The following AFF3 variants were observed in gnomAD, a reference collection of about 807,000 sequenced individuals.
AFF3 encodes AF4/FMR2 family member 3.
A neutral mutation model predicts 129.7 loss-of-function variants in AFF3; 32 were observed. The ratio of observed to expected loss-of-function variants is 0.25; its 90% confidence interval spans 0.19 to 0.33. The LOEUF is 0.33. AFF3 is among the 10% of genes least tolerant of loss of function. The pLI is 1.00. For synonymous variants in AFF3, 644 were observed against 635.4 expected, an observed-to-expected ratio of 1.01 and a Z score of -0.20; for missense variants, 1,373 against 1,592.0, an observed-to-expected ratio of 0.86 and a Z score of 2.34.
intron 4 of AFF3, among the ~76,000 whole-genome samples, chr2:100,049,709 G>A (rs1322811551): frequency 1.3e-5 from 2 of 152,118 alleles, no homozygotes; most frequent in Non-Finnish European, 2.9e-5. Flanking sequence ...ATGAGTATTC[G>A]CCCATCTCCA....
chr2:99,778,892 G>GTT (rs1338555415), intron 8 of AFF3, among the ~76,000 whole-genome samples: 1 of 34,768 alleles, frequency 2.9e-5, no homozygotes, highest in Non-Finnish European at 5.5e-5. Flanking sequence ...GTGTGTGTGT[G>GTT]TGCGCGTGTG....
At chr2:99,838,275 G>A (rs889205828) in intron 7 of AFF3, among the ~76,000 whole-genome samples, 2 of 152,096 alleles carry the variant, frequency 1.3e-5, no homozygotes, top group African/African-American at 4.8e-5. Flanking sequence ...TGGTGAAAGT[G>A]CCTACCTGTG....
At chr2:99,992,090 G>A (rs1680410174) in intron 7 of AFF3, among the ~76,000 whole-genome samples, 1 of 151,538 alleles carries the variant, frequency 6.6e-6, no homozygotes, top group African/African-American at 2.4e-5. Context: ...CCCTATCTCT[G>A]TCCTTTAAAT....
chr2:99,721,285 CT>C (rs1678863728), intron 11 of AFF3, among the ~76,000 whole-genome samples: 1 of 152,118 alleles, frequency 6.6e-6, no homozygotes, highest in African/African-American at 2.4e-5. Context: ...AACCCCAGCA[CT>C]TTCGGAGGCC....
At chr2:99,744,512 C>T (rs892147356) in intron 9 of AFF3, among the ~76,000 whole-genome samples, 1 of 152,164 alleles carries the variant, frequency 6.6e-6, no homozygotes, top group African/African-American at 2.4e-5. Context: ...AGTCAAATCC[C>T]TTACCCATTA....
intron 15 of AFF3, among the ~76,000 whole-genome samples, chr2:99,587,882 C>T (rs1013230869): frequency 2.6e-5 from 4 of 151,674 alleles, no homozygotes; most frequent in South Asian, 2.1e-4. Flanking sequence ...TGGTGGTGCA[C>T]GCCTGTAGTC....
chr2:99,798,914 C>G (rs1227125520), intron 8 of AFF3, among the ~76,000 whole-genome samples: 1 of 151,900 alleles, frequency 6.6e-6, no homozygotes, highest in Non-Finnish European at 1.5e-5. Flanking sequence ...TCAGACTTTT[C>G]TGACTAATGT....
chr2:100,056,063 T>TCACACACACACACACACACACACACA (rs369771394), intron 4 of AFF3, among the ~76,000 whole-genome samples: 1 of 120,516 alleles, frequency 8.3e-6, no homozygotes, highest in Non-Finnish European at 1.7e-5. Context: ...TGTCTCTCTC[T>TCACACACACACACACACACACACACA]CACACACACA....
intron 7 of AFF3, among the ~76,000 whole-genome samples, chr2:99,908,842 T>G (rs985943831): frequency 6.6e-6 from 1 of 152,102 alleles, no homozygotes; most frequent in Non-Finnish European, 1.5e-5. Flanking sequence ...CTGGAGAGGA[T>G]GTGGAGAAAT....
chr2:99,709,346 G>A (rs1677690090), intron 11 of AFF3, among the ~76,000 whole-genome samples: 1 of 152,112 alleles, frequency 6.6e-6, no homozygotes, highest in South Asian at 2.1e-4. Flanking sequence ...TGAAAATGGG[G>A]ATAACCACCC....
intron 7 of AFF3, among the ~76,000 whole-genome samples, chr2:99,925,826 A>C (rs750324918): frequency 2.0e-5 from 3 of 152,204 alleles, no homozygotes; most frequent in Admixed American, 6.5e-5. Flanking sequence ...GTGAATGTTC[A>C]ATGAAACTGC....
chr2:99,992,690 C>T (rs1680466028), intron 7 of AFF3, among the ~76,000 whole-genome samples: 1 of 152,206 alleles, frequency 6.6e-6, no homozygotes, highest in African/African-American at 2.4e-5. Flanking sequence ...CTACTAAACA[C>T]CTATTAGATC....
chr2:99,947,034 T>C (rs10165066), intron 7 of AFF3, among the ~76,000 whole-genome samples: 28,305 of 152,126 alleles, frequency 0.19, 3,403 homozygotes, highest in African/African-American at 0.33. Context: ...CGGTCGTTCA[T>C]TAGGTAAATA....
chr2:99,592,937 C>A (rs1211848104), intron 15 of AFF3, among the ~76,000 whole-genome samples: 2 of 88,432 alleles, frequency 2.3e-5, no homozygotes, highest in African/African-American at 4.1e-5. Context: ...CTCCCTCCCC[C>A]CCCCCCAAAA....
intron 4 of AFF3, 53 bp downstream of exon 4, chr2:100,104,349 C>G: frequency 1.1e-6 from 1 of 886,490 alleles, no homozygotes; most frequent in Non-Finnish European, 1.4e-6. Flanking sequence ...CGGGCCGCCG[C>G]GGCCGCCCCT....
intron 10 of AFF3, among the ~76,000 whole-genome samples, chr2:99,733,723 C>CATG (rs896623823): frequency 2.0e-5 from 3 of 152,014 alleles, no homozygotes; most frequent in African/African-American, 7.2e-5. Context: ...TAATCTATAT[C>CATG]ATCATCTCTG....
chr2:99,958,476 C>G (rs776616922), intron 7 of AFF3, among the ~76,000 whole-genome samples: 28 of 145,864 alleles, frequency 1.9e-4, no homozygotes, highest in Non-Finnish European at 3.5e-4. Context: ...CAGAGCAAGA[C>G]TCTGTCTCGA....
intron 17 of AFF3, among the ~76,000 whole-genome samples, chr2:99,581,207 A>G (rs947843290): frequency 6.6e-6 from 1 of 152,282 alleles, no homozygotes; most frequent in South Asian, 2.1e-4. Flanking sequence ...TAAAATCTAC[A>G]ATTGGTTTAT....
chr2:99,760,663 C>T (rs2105265033), intron 8 of AFF3, among the ~76,000 whole-genome samples: 1 of 152,262 alleles, frequency 6.6e-6, no homozygotes, highest in South Asian at 2.1e-4. Context: ...GCTGCTTTGC[C>T]TCTATTGACC....
Sources: allele counts gnomAD v4.1 joint callset (sites outside exome capture counted in the v4.1 genomes callset), GRCh38; gene constraint gnomAD v4.1.1; transcripts MANE v1.5; gene names NCBI Gene and HGNC (gene_info 2026-07-23, HGNC 2026-07-21).